The following KAZN variants were observed in gnomAD, a reference collection of about 807,000 sequenced individuals.
KAZN encodes the protein kazrin.
In KAZN, 40 loss-of-function variants were observed where a neutral mutation model predicts 87.4. The observed-to-expected ratio is 0.46, with a 90% CI of 0.36 to 0.60. The LOEUF (loss-of-function observed/expected upper bound fraction) is 0.60, where lower values mean the gene tolerates loss of function less well. KAZN is among the 20% of genes least tolerant of loss of function. The pLI, the probability that KAZN is intolerant of heterozygous loss-of-function variation, is 0.00. For missense variants in KAZN, 898 were observed against 1,073.9 expected (o/e 0.84, Z 2.29); for synonymous variants, 466 against 458.3 (o/e 1.02, Z -0.22).
intron 2 of KAZN, among the ~76,000 whole-genome samples, chr1:14,259,639 G>A (rs577899467): frequency 3.9e-5 from 6 of 152,294 alleles, no homozygotes; most frequent in African/African-American, 1.4e-4. Flanking sequence ...CATTTCCAGA[G>A]GAGATGCTAG....
intron 1 of KAZN, among the ~76,000 whole-genome samples, chr1:14,819,969 C>T (rs1004968693): frequency 1.3e-5 from 2 of 152,046 alleles, no homozygotes; most frequent in Admixed American, 6.6e-5. Context: ...CTCAGCCTCC[C>T]AAAGTGCTAC....
intron 1 of KAZN, among the ~76,000 whole-genome samples, chr1:14,878,307 T>TC (rs1553149887): frequency 3.3e-5 from 5 of 151,932 alleles, no homozygotes; most frequent in African/African-American, 1.2e-4. Context: ...AACAGTTCTT[T>TC]GGGGGGGTGG....
chr1:15,093,402 G>A (rs948802995), intron 8 of KAZN, among the ~76,000 whole-genome samples: 19 of 152,136 alleles, frequency 1.2e-4, no homozygotes, highest in African/African-American at 4.1e-4. Context: ...TTAAGGACGC[G>A]CGCCCAGGAG....
chr1:14,251,269 C>G (rs557933536), intron 2 of KAZN, among the ~76,000 whole-genome samples: 1 of 152,296 alleles, frequency 6.6e-6, no homozygotes, highest in Non-Finnish European at 1.5e-5. Context: ...GGCTCTTGTT[C>G]TCTTTAAAGA....
At chr1:14,489,092 C>G (rs1050219829) in intron 2 of KAZN, among the ~76,000 whole-genome samples, 2 of 152,152 alleles carry the variant, frequency 1.3e-5, no homozygotes, top group African/African-American at 2.4e-5. Context: ...GAGCCAAATT[C>G]TTTGGCAATT....
rs1349156537 is a variant in KAZN, at chr1:15,021,533, G to C, written c.419-13216G>C. On this transcript the variant is annotated intron_variant, in intron 2 of 14. Coordinates refer to ENST00000376030, the MANE Select transcript of KAZN (RefSeq NM_201628.3). This position sits in a 1 kb window ranked among gnomAD's most constrained non-coding sequence, Gnocchi z 4.2. ...TCCTGCTGGTATACCTTGGCCTCCTGTCTCCCTCGGGGAGGAGCAGGCAGT... is the reference window on the plus strand; with the variant it reads ...TCCTGCTGGTATACCTTGGCCTCCTCTCTCCCTCGGGGAGGAGCAGGCAGT... 1.3e-5 allele frequency among the ~76,000 whole-genome samples: 2 copies of C among 152,162 alleles called. No individual in the cohort carries two copies. Among genetic ancestry groups the C allele is most frequent in the Non-Finnish European group, 2.9e-5 (2 of 68,034 alleles).
chr1:15,034,606 C>T (rs1672069704), intron 2 of KAZN, 143 bp from the exon 3 acceptor site: 1 of 996,544 alleles, frequency 1.0e-6, no homozygotes, highest in East Asian at 2.7e-5. Context: ...GTGGCAAGGG[C>T]ACATGGAAGG....
intron 2 of KAZN, among the ~76,000 whole-genome samples, chr1:14,365,238 G>A (rs1031886375): frequency 2.0e-5 from 3 of 151,778 alleles, no homozygotes; most frequent in Non-Finnish European, 2.9e-5. Flanking sequence ...TAGTAGAGAC[G>A]GGTTTTCACC....
intron 2 of KAZN, among the ~76,000 whole-genome samples, chr1:14,562,495 C>T (rs570394619): frequency 3.3e-5 from 5 of 152,298 alleles, no homozygotes; most frequent in African/African-American, 9.6e-5. Flanking sequence ...AGACCTATTG[C>T]GGTGGATTGT....
intron 1 of KAZN, among the ~76,000 whole-genome samples, chr1:14,602,912 C>T (rs1677089301): frequency 6.6e-6 from 1 of 152,212 alleles, no homozygotes; most frequent in Non-Finnish European, 1.5e-5. Context: ...TTCCTGCCTA[C>T]TGCATTTGTT....
At chr1:15,046,525 A>G (rs1358738563) in intron 4 of KAZN, among the ~76,000 whole-genome samples, 2 of 152,106 alleles carry the variant, frequency 1.3e-5, no homozygotes, top group Non-Finnish European at 2.9e-5. Flanking sequence ...GTTGTTCAAG[A>G]GTGGACTGTG....
intron 2 of KAZN, among the ~76,000 whole-genome samples, chr1:14,336,203 T>C (rs1657258254): frequency 6.6e-6 from 1 of 152,250 alleles, no homozygotes; most frequent in Admixed American, 6.5e-5. Flanking sequence ...AGATAGTTCA[T>C]ATAAATGAAA....
intron 2 of KAZN, among the ~76,000 whole-genome samples, chr1:14,213,345 A>G (rs1435621924): frequency 6.6e-6 from 1 of 152,182 alleles, no homozygotes; most frequent in East Asian, 1.9e-4. Flanking sequence ...CCTAAATAGG[A>G]AACTAGAACC....
intron 1 of KAZN, among the ~76,000 whole-genome samples, chr1:14,636,057 A>G (rs910322629): frequency 2.6e-5 from 4 of 152,212 alleles, no homozygotes; most frequent in Non-Finnish European, 5.9e-5. Flanking sequence ...ACCAACCTCA[A>G]TGAAACAATT....
intron 2 of KAZN, among the ~76,000 whole-genome samples, chr1:14,221,402 T>G (rs1647094602): frequency 6.6e-6 from 1 of 152,098 alleles, no homozygotes; most frequent in Non-Finnish European, 1.5e-5. Context: ...CTCTAGAAAT[T>G]TATGTCTTAA....
chr1:14,794,403 T>A (rs989835124), intron 1 of KAZN, among the ~76,000 whole-genome samples: 16 of 152,014 alleles, frequency 1.1e-4, no homozygotes. Context: ...ATCTCTGGAT[T>A]TGGAGCACTG....
At chr1:14,361,958 G>A (rs1467268869) in intron 2 of KAZN, among the ~76,000 whole-genome samples, 2 of 152,234 alleles carry the variant, frequency 1.3e-5, no homozygotes, top group African/African-American at 2.4e-5. Flanking sequence ...TCCTCATAAT[G>A]AGAAGGAAAA....
chr1:14,741,308 T>G (rs1043694382), intron 1 of KAZN, among the ~76,000 whole-genome samples: 1 of 152,200 alleles, frequency 6.6e-6, no homozygotes, highest in African/African-American at 2.4e-5. Flanking sequence ...AGTTGCTCAA[T>G]GTCGGGCATG....
intron 1 of KAZN, among the ~76,000 whole-genome samples, chr1:14,600,840 T>C (rs1357765584): frequency 2.0e-5 from 3 of 152,184 alleles, no homozygotes; most frequent in Non-Finnish European, 2.9e-5. Context: ...TCTGCCCCTT[T>C]CTCCGCGAAG....
Sources: allele counts gnomAD v4.1 joint callset (sites outside exome capture counted in the v4.1 genomes callset), GRCh38; gene constraint gnomAD v4.1.1; non-coding constraint Gnocchi (gnomAD v3.1); transcripts MANE v1.5; gene names NCBI Gene and HGNC (gene_info 2026-07-23, HGNC 2026-07-21).